Variants in RBM38 observed in about 807,000 individuals in gnomAD.
RBM38 encodes the protein RNA-binding protein 38.
A neutral mutation model predicts 23.5 loss-of-function variants in RBM38; 11 were observed. The observed-to-expected ratio is 0.47, with a 90% confidence interval of 0.29 to 0.77. RBM38 has a LOEUF of 0.77. Among genes scored for constraint, RBM38 ranks in the 30% least tolerant of loss-of-function variants. The pLI is 0.08. For missense variants in RBM38, 330 were observed against 351.9 expected, an observed-to-expected ratio of 0.94 and a Z score of 0.50; for synonymous variants, 165 against 166.1, an observed-to-expected ratio of 0.99 and a Z score of 0.05.
chr20:57,402,685 C>G (rs1369625545), intron 3 of RBM38, among the ~76,000 whole-genome samples: 2 of 152,244 alleles, frequency 1.3e-5, no homozygotes, highest in African/African-American at 4.8e-5. Flanking sequence ...CACCCGCTCC[C>G]CATTGCCAGG....
At chr20:57,392,925 C>G in intron 2 of RBM38, 148 bp downstream of exon 2, 1 of 1,102,710 alleles carries the variant, frequency 9.1e-7, no homozygotes, top group Non-Finnish European at 1.3e-6. Flanking sequence ...GCAGCCATCC[C>G]CCCCTCGAGG....
chr20:57,406,653 T>A (rs1204708262), intron 3 of RBM38, among the ~76,000 whole-genome samples: 3 of 151,906 alleles, frequency 2.0e-5, no homozygotes, highest in Non-Finnish European at 4.4e-5. Context: ...TCTCACATCC[T>A]CACGGAGCTG....
intron 3 of RBM38, among the ~76,000 whole-genome samples, chr20:57,397,985 TAAC>T (rs2067291630): frequency 6.6e-6 from 1 of 152,130 alleles, no homozygotes. Context: ...AGTTTGTGTG[TAAC>T]TACACATGAC....
chr20:57,396,606 T>C (rs898972666), intron 3 of RBM38, among the ~76,000 whole-genome samples: 3 of 152,208 alleles, frequency 2.0e-5, no homozygotes, highest in African/African-American at 7.2e-5. Flanking sequence ...GGCTGTGGCC[T>C]TGACTCCCGT....
rs937751019 is a variant in RBM38, at chr20:57,391,529, C to T, written c.-53C>T. 103 of 592,672 alleles carry T rather than the reference C, an allele frequency of 1.7e-4. No individual in the cohort carries two copies. Among genetic ancestry groups the T allele is most frequent in the Non-Finnish European group, 2.0e-4 (93 of 468,088 alleles). The allele number at this position is 592,672 out of a possible 1,614,324, so 36.7% of individuals were successfully genotyped here. A position where few individuals can be genotyped will look rare whatever the true frequency, so the allele number is the denominator to read the frequency against. On this transcript the variant is annotated 5_prime_UTR_variant, in exon 1 of 4. Coordinates refer to ENST00000356208, the MANE Select transcript of RBM38 (RefSeq NM_017495.6). The stretch of plus-strand genomic sequence containing the variant: ...CTGCCCCGCGCGCTCCCCGCCGCCC[C>T]CCATGAGCGCAGCCCCGCGCGGCCC...
At chr20:57,403,656 C>CT (rs1286492294) in intron 3 of RBM38, among the ~76,000 whole-genome samples, 1 of 152,050 alleles carries the variant, frequency 6.6e-6, no homozygotes, top group Non-Finnish European at 1.5e-5. Context: ...GAGTTTTGCT[C>CT]TTTCGCCCAG....
chr20:57,404,157 A>G (rs753002103), intron 3 of RBM38, among the ~76,000 whole-genome samples: 3 of 152,160 alleles, frequency 2.0e-5, no homozygotes, highest in Non-Finnish European at 2.9e-5. Flanking sequence ...CCCGATAGAA[A>G]TGACGCAGCC....
chr20:57,403,420 C>G (rs376525778), intron 3 of RBM38, among the ~76,000 whole-genome samples: 13 of 152,202 alleles, frequency 8.5e-5, no homozygotes, highest in African/African-American at 3.1e-4. Flanking sequence ...TCTCACTCCC[C>G]CTTGGGGCTT....
intron 3 of RBM38, among the ~76,000 whole-genome samples, chr20:57,397,267 C>T (rs916477344): frequency 1.3e-5 from 2 of 152,242 alleles, no homozygotes; most frequent in African/African-American, 4.8e-5. Context: ...GATTGATTAC[C>T]TGTGCAAAAC....
intron 3 of RBM38, among the ~76,000 whole-genome samples, chr20:57,400,133 T>A (rs2067312949): frequency 1.3e-5 from 2 of 152,064 alleles, no homozygotes; most frequent in African/African-American, 4.8e-5. Flanking sequence ...ATCCTTAGTT[T>A]ACAGATGGGG....
At position 57,391,561 on chromosome 20, in the gene RBM38, G is replaced by C. The variant is rs1194529292; in HGVS notation, c.-21G>C. On this transcript the variant is annotated 5_prime_UTR_variant, in exon 1 of 4. Coordinates refer to ENST00000356208, the MANE Select transcript of RBM38 (RefSeq NM_017495.6). ...GCGCAGCCCCGCGCGGCCCGGGTCC[G>C]TAGGCGGCGGGGCGCCCCCCATGCT... 1.9e-6 allele frequency: 2 copies of C among 1,051,424 alleles called. No individual in the cohort carries two copies. Among genetic ancestry groups the C allele is most frequent in the African/African-American group, 3.5e-5 (2 of 57,858 alleles). The allele number at this position is 1,051,424 out of a possible 1,614,324, so 65.1% of individuals were successfully genotyped here. A position where few individuals can be genotyped will look rare whatever the true frequency, so the allele number is the denominator to read the frequency against.
At chr20:57,403,973 A>G (rs772450077) in intron 3 of RBM38, among the ~76,000 whole-genome samples, 22 of 152,228 alleles carry the variant, frequency 1.4e-4, no homozygotes, top group Non-Finnish European at 2.8e-4. Flanking sequence ...TACGTACAGA[A>G]AGATGAGTAG....
chr20:57,395,756 C>CGGAGCT (rs1435982841), intron 3 of RBM38, among the ~76,000 whole-genome samples: 1 of 141,358 alleles, frequency 7.1e-6, no homozygotes. Context: ...CGCCCGCTGA[C>CGGAGCT]GGAGCTGGAG....
At chr20:57,398,541 C>T (rs573644431) in intron 3 of RBM38, among the ~76,000 whole-genome samples, 1 of 146,398 alleles carries the variant, frequency 6.8e-6, no homozygotes, top group East Asian at 1.9e-4. Flanking sequence ...GTGGTGGCCC[C>T]GCCGCCCCCC....
intron 1 of RBM38, 184 bp from the exon 2 acceptor site, chr20:57,392,470 G>C: frequency 6.5e-7 from 1 of 1,533,406 alleles, no homozygotes; most frequent in East Asian, 2.5e-5. Flanking sequence ...AATCCAGGAG[G>C]CATCTTTGTG....
intron 3 of RBM38, among the ~76,000 whole-genome samples, chr20:57,405,198 CCCCA>C (rs2067369320): frequency 6.6e-6 from 1 of 152,226 alleles, no homozygotes; most frequent in African/African-American, 2.4e-5. Context: ...CCCCTGAGCC[CCCCA>C]CTCTGGTTTA....
In RBM38 at chr20:57,406,266, A is replaced by T. The variant is rs149725437; in HGVS notation, c.417-1277A>T. On this transcript the variant is annotated intron_variant, in intron 3 of 3. Transcript: ENST00000356208. ...TGGCAGAGCAGGCACACGCCAGGAG[A>T]GCTGCCTCCCTGAGCCTCATTTCCC... Among the ~76,000 whole-genome samples the T allele has an allele frequency of 2.9e-3, 443 of 152,140 alleles. 2 individuals are homozygous for T. Among genetic ancestry groups the T allele is most frequent in the African/African-American group, 0.01 (421 of 41,518 alleles).
chr20:57,401,902 A>G (rs1189996938), intron 3 of RBM38, among the ~76,000 whole-genome samples: 1 of 152,198 alleles, frequency 6.6e-6, no homozygotes, highest in East Asian at 1.9e-4. Context: ...GTACAGTGGG[A>G]GGCAGCTGGA....
In RBM38 at chr20:57,391,769, C is replaced by T; in HGVS notation, c.188C>T (p.Ala63Val). 6.4e-7 allele frequency: 1 copy of T among 1,572,828 alleles called. No individual in the cohort carries two copies. Among genetic ancestry groups the T allele is most frequent in the Non-Finnish European group, 8.6e-7 (1 of 1,159,266 alleles). Residue 63 changes from alanine (A) to valine (V), a missense_variant, in exon 1 of 4, where the codon GCC becomes GTC. Transcript: ENST00000356208. ...YFEGFGDIEEAVVITDRQTGK... is the reference protein window; with the variant it reads ...YFEGFGDIEEVVVITDRQTGK... ...GAGGGCTTCGGCGACATCGAGGAGG[C>T]CGTGGTCATCACCGACCGCCAGACG... is the stretch of plus-strand genomic sequence containing the variant.
Sources: gnomAD v4.1 joint callset for allele counts (sites outside exome capture counted in the v4.1 genomes callset) on GRCh38, gnomAD v4.1.1 for gene constraint, MANE v1.5 for transcripts, NCBI Gene and HGNC (gene_info 2026-07-23, HGNC 2026-07-21) for gene names.